UGT2A2: variants seen among roughly 807,000 people sequenced by gnomAD.
The protein encoded by UGT2A2 is UDP glucuronosyltransferase family 2 member A2.
In UGT2A2, 60 loss-of-function variants were observed where a neutral mutation model predicts 50.7. The observed-to-expected ratio is 1.18, with a 90% CI of 0.96 to 1.47. UGT2A2 has a LOEUF of 1.47. Among genes scored for constraint, UGT2A2 ranks in the 40% most tolerant of loss-of-function variants. The pLI is 0.00. For missense variants in UGT2A2, 762 were observed against 634.0 expected (o/e 1.20, Z -2.17); for synonymous variants, 242 against 214.6 (o/e 1.13, Z -1.11).
intron 5 of UGT2A2, among the ~76,000 whole-genome samples, chr4:69,594,194 T>A (rs2109879136): frequency 6.6e-6 from 1 of 152,164 alleles, no homozygotes; most frequent in African/African-American, 2.4e-5. Context: ...CAGGATGGTC[T>A]CGATCTCCGG....
intron 3 of UGT2A2, 37 bp downstream of exon 3, chr4:69,596,213 T>C (rs765231874): frequency 6.9e-7 from 1 of 1,459,470 alleles, no homozygotes; most frequent in Non-Finnish European, 9.1e-7. Flanking sequence ...CTCCCATTAG[T>C]AAAAAGCTGT....
chr4:69,589,471 C>G lies in UGT2A2; in HGVS notation c.1512G>C (p.Leu504Phe). The G allele has an allele frequency of 1.9e-6, 3 of 1,614,042 alleles. No homozygotes were observed. The highest frequency in any genetic ancestry group is 2.5e-6 in the Non-Finnish European group (3 of 1,180,002). ...QYHSLDVIGF[L>F]LVCVTTAIFL... is the part of the protein sequence containing the mutation. ...ATATAGCCGTTGTCACACAGACCAG[C>G]AAGAACCCAATTACATCCAAAGAGT... is the stretch of plus-strand genomic sequence containing the variant. Residue 504 changes from leucine (L) to phenylalanine (F), a missense_variant, in exon 6 of 6, where the codon TTG becomes TTC. By Grantham distance (22) the Leu-to-Phe change is conservative. Transcript: ENST00000604629.
chr4:69,605,953 T>C lies in UGT2A2; in HGVS notation c.743-6559A>G, dbSNP rs971407707. Among the ~76,000 whole-genome samples, 29 of 136,134 alleles carry C rather than the reference T, an allele frequency of 2.1e-4. 5 individuals are homozygous for C. The highest frequency in any genetic ancestry group is 3.7e-4 in the Non-Finnish European group (24 of 64,078). 89.3% of individuals were successfully genotyped at this position (136,134 alleles called of 152,430 possible). A position where few individuals can be genotyped will look rare whatever the true frequency, so the allele number is the denominator to read the frequency against. ...TTAATAGCTTAGCAACCAAAAAAAG[T>C]CCAGGACCAGATGGATTCACAGCTG... is the stretch of plus-strand genomic sequence containing the variant. On this transcript the variant is annotated intron_variant, in intron 1 of 5. Transcript: ENST00000604629.
chr4:69,638,828 T>A (rs1054943077), intron 1 of UGT2A2, 71 bp downstream of exon 1: 1 of 1,449,304 alleles, frequency 6.9e-7, no homozygotes, highest in African/African-American at 1.4e-5. Context: ...GGAATGGAAA[T>A]CGTTTGCCAT....
chr4:69,589,201 G>T lies in UGT2A2; in HGVS notation c.*171C>A. On this transcript the variant is annotated 3_prime_UTR_variant, in exon 6 of 6. Coordinates refer to ENST00000604629, the MANE Select transcript of UGT2A2 (RefSeq NM_001105677.2). Reference sequence around the variant, plus strand: ...TAACTCACAAGTTAATAATAATCATGCCAAAATCTAGGCTTTATCAGTAGG... The same window carrying T: ...TAACTCACAAGTTAATAATAATCATTCCAAAATCTAGGCTTTATCAGTAGG... 1.2e-6 allele frequency: 1 copy of T among 831,666 alleles called. No homozygotes were observed. The highest frequency in any genetic ancestry group is 1.7e-6 in the Non-Finnish European group (1 of 587,682). The allele number at this position is 831,666 out of a possible 1,614,324, so 51.5% of individuals were successfully genotyped here.
intron 1 of UGT2A2, among the ~76,000 whole-genome samples, chr4:69,605,060 A>T: frequency 7.3e-6 from 1 of 136,896 alleles, no homozygotes. Flanking sequence ...TCAGCTCTGC[A>T]CCAAGTAGAC....
chr4:69,599,662 G>T (rs1165848748), intron 1 of UGT2A2: 2 of 330,562 alleles, frequency 6.1e-6, no homozygotes, highest in Non-Finnish European at 1.1e-5. Context: ...AAGGAAAAGT[G>T]AGAAAAAGGG....
intron 1 of UGT2A2, among the ~76,000 whole-genome samples, chr4:69,614,222 C>T (rs980345139): frequency 4.6e-5 from 7 of 151,792 alleles, no homozygotes; most frequent in African/African-American, 1.7e-4. Context: ...CCATTTGCAA[C>T]AGCTACAAAT....
chr4:69,617,585 A>G (rs1720477845), intron 1 of UGT2A2, among the ~76,000 whole-genome samples: 1 of 151,834 alleles, frequency 6.6e-6, no homozygotes, highest in African/African-American at 2.4e-5. Context: ...GACTGTTTCA[A>G]ATTAGGGCTA....
intron 3 of UGT2A2, 145 bp downstream of exon 3, chr4:69,596,105 T>C: frequency 3.3e-6 from 4 of 1,202,048 alleles, no homozygotes; most frequent in Non-Finnish European, 4.2e-6. Context: ...ACAATTTTAA[T>C]ATATTACACA....
intron 1 of UGT2A2, among the ~76,000 whole-genome samples, chr4:69,617,701 A>G (rs906776097): frequency 5.9e-5 from 9 of 151,924 alleles, no homozygotes; most frequent in African/African-American, 2.2e-4. Flanking sequence ...ATACTAAAAT[A>G]ATATAAATTA....
chr4:69,623,646 G>A (rs893785824), intron 1 of UGT2A2, among the ~76,000 whole-genome samples: 2 of 151,300 alleles, frequency 1.3e-5, no homozygotes, highest in Admixed American at 6.6e-5. Flanking sequence ...GAGCAAATGA[G>A]CAGCCAAGGT....
rs1287480065 is a variant in UGT2A2, at chr4:69,595,249, C to A, written c.1024G>T (p.Val342Phe). The A allele has an allele frequency of 1.2e-6, 2 of 1,613,376 alleles. No individual in the cohort carries two copies. Among genetic ancestry groups the A allele is most frequent in the Non-Finnish European group, 1.7e-6 (2 of 1,179,780 alleles). Residue 342 changes from valine (V) to phenylalanine (F), a missense_variant and splice_region_variant, in exon 4 of 6, where the codon GTT becomes TTT. By Grantham distance (50) the Val-to-Phe change is conservative. Coordinates refer to ENST00000604629, the MANE Select transcript of UGT2A2 (RefSeq NM_001105677.2). ...TTCTTTCCTTTGTATCTCCATAAAA[C>A]CTGTGGAAAATGGTGCTTTAATTTT... ...ASALAQIPQK[V>F]LWRYKGKKPA... is the part of the protein sequence containing the mutation.
intron 1 of UGT2A2, among the ~76,000 whole-genome samples, chr4:69,628,389 A>G (rs1438604067): frequency 6.6e-6 from 1 of 151,950 alleles, no homozygotes; most frequent in East Asian, 1.9e-4. Flanking sequence ...TCCAAACAGT[A>G]TTAAAGCACA....
rs565388058 is a variant in UGT2A2 at position 69,588,662 on chromosome 4, T to G, written c.*710A>C. On this transcript the variant is annotated 3_prime_UTR_variant, in exon 6 of 6. Transcript: ENST00000604629. ...ATAACATAGAACTTTCTCCTTGAAA[T>G]AAAAGAGTCGATTGATTGATTTATT... is the stretch of plus-strand genomic sequence containing the variant. The G allele has an allele frequency of 2.6e-5, 4 of 152,124 alleles. No homozygotes were observed. The highest frequency in any genetic ancestry group is 9.6e-5 in the African/African-American group (4 of 41,500). 9.4% of individuals were successfully genotyped at this position (152,124 alleles called of 1,614,324 possible). A position where few individuals can be genotyped will look rare whatever the true frequency, so the allele number is the denominator to read the frequency against.
chr4:69,602,009 G>T (rs566837099), intron 1 of UGT2A2, among the ~76,000 whole-genome samples: 2 of 136,952 alleles, frequency 1.5e-5, no homozygotes, highest in East Asian at 2.1e-4. Context: ...TATTGAAATA[G>T]AAATCAAATT....
At chr4:69,622,515 GT>G (rs1720810178) in intron 1 of UGT2A2, among the ~76,000 whole-genome samples, 1 of 151,626 alleles carries the variant, frequency 6.6e-6, no homozygotes, top group Non-Finnish European at 1.5e-5. Context: ...GAAAACAATT[GT>G]TTTTATGTGT....
rs896884513 is a variant in UGT2A2, at chr4:69,603,829, C to G, written c.743-4435G>C. Among the ~76,000 whole-genome samples the G allele has an allele frequency of 1.3e-4, 18 of 135,968 alleles. 2 individuals are homozygous for G. Among genetic ancestry groups the G allele is most frequent in the African/African-American group, 2.1e-4 (7 of 33,500 alleles). 89.2% of individuals were successfully genotyped at this position (135,968 alleles called of 152,430 possible). ...AGAAAGGGTATCAGTGATGGAAGAT[C>G]AAATGAATGAAATGAAGCGAGAAGA... On this transcript the variant is annotated intron_variant, in intron 1 of 5. Transcript: ENST00000604629.
At chr4:69,624,107 A>C (rs935540231) in intron 1 of UGT2A2, among the ~76,000 whole-genome samples, 1 of 151,570 alleles carries the variant, frequency 6.6e-6, no homozygotes, top group Admixed American at 6.6e-5. Flanking sequence ...TATAAATGGG[A>C]ATCTGTCTAT....
Sources: allele counts gnomAD v4.1 joint callset (sites outside exome capture counted in the v4.1 genomes callset), GRCh38; gene constraint gnomAD v4.1.1; transcripts MANE v1.5; gene names NCBI Gene and HGNC (gene_info 2026-07-23, HGNC 2026-07-21).